TUBGCP3: variants seen among roughly 807,000 people sequenced by gnomAD.
TUBGCP3 encodes tubulin gamma complex component 3, also known as gamma-tubulin complex component 3.
A neutral mutation model predicts 123.1 loss-of-function variants in TUBGCP3; 50 were observed. The observed-to-expected ratio is 0.41, with a 90% CI of 0.32 to 0.51. The LOEUF (loss-of-function observed/expected upper bound fraction) is 0.51, where lower values mean the gene tolerates loss of function less well. Ranked by LOEUF, TUBGCP3 falls within the 20% of genes least tolerant of loss-of-function variation. The pLI, the probability that TUBGCP3 is intolerant of heterozygous loss-of-function variation, is 0.36. For synonymous variants in TUBGCP3, 405 were observed against 413.9 expected, an observed-to-expected ratio of 0.98 and a Z score of 0.26; for missense variants, 882 against 1,127.0, an observed-to-expected ratio of 0.78 and a Z score of 3.11.
At chr13:112,518,212 A>G (rs1480225304) in intron 16 of TUBGCP3, among the ~76,000 whole-genome samples, 2 of 152,192 alleles carry the variant, frequency 1.3e-5, no homozygotes, top group African/African-American at 4.8e-5. Context: ...CAATTATTGC[A>G]GCAGCGTGAT....
chr13:112,600,731 C>T, the TUBGCP3 span, among the ~76,000 whole-genome samples: 5 of 151,918 alleles, frequency 3.3e-5, no homozygotes, highest in Non-Finnish European at 7.4e-5. Flanking sequence ...CCTCTCTCTC[C>T]GGGTTGGCAA....
intron 20 of TUBGCP3, among the ~76,000 whole-genome samples, chr13:112,498,033 C>A (rs868490171): frequency 4.0e-5 from 6 of 151,382 alleles, no homozygotes; most frequent in Middle Eastern, 3.4e-3. Flanking sequence ...TATACATGTA[C>A]ACACACACAC....
chr13:112,556,045 TACTC>T lies in TUBGCP3; in HGVS notation c.721+3_721+6del. The stretch of plus-strand genomic sequence containing the variant: ...GAAAAGCTGTATTAACATAGATCCT[TACTC>T]ACCACCCGTATCCCCTTCTCTCCTG... On this transcript the variant is annotated splice_donor_5th_base_variant and intron_variant, in intron 6 of 21. Coordinates refer to ENST00000261965, the MANE Select transcript of TUBGCP3 (RefSeq NM_006322.6). 2.5e-6 allele frequency: 4 copies of T among 1,610,130 alleles called. No individual in the cohort carries two copies. The highest frequency in any genetic ancestry group is 1.3e-5 in the African/African-American group (1 of 74,974).
chr13:112,585,944 A>G (rs1426016790), intron 1 of TUBGCP3, among the ~76,000 whole-genome samples: 1 of 152,000 alleles, frequency 6.6e-6, no homozygotes, highest in Admixed American at 6.6e-5. Context: ...CAATGTAAAA[A>G]AAAAAAAGTT....
chr13:112,542,615 G>A (rs989751252), intron 11 of TUBGCP3, among the ~76,000 whole-genome samples: 3 of 152,032 alleles, frequency 2.0e-5, no homozygotes, highest in African/African-American at 7.3e-5. Flanking sequence ...TACCTCTATA[G>A]ATGGCATGTA....
intron 1 of TUBGCP3, among the ~76,000 whole-genome samples, chr13:112,587,572 G>A (rs998198719): frequency 1.3e-5 from 2 of 152,214 alleles, no homozygotes; most frequent in African/African-American, 4.8e-5. Flanking sequence ...CCTCACTGAC[G>A]GACCCGCGAG....
chr13:112,541,100 A>C (rs1253851280), intron 11 of TUBGCP3, among the ~76,000 whole-genome samples: 2 of 152,228 alleles, frequency 1.3e-5, no homozygotes, highest in Non-Finnish European at 2.9e-5. Flanking sequence ...TCGATTTATC[A>C]GTTTTTGCCC....
upstream of TUBGCP3, among the ~76,000 whole-genome samples, chr13:112,588,986 A>G (rs1374503341): frequency 2.0e-5 from 3 of 152,232 alleles, no homozygotes; most frequent in Non-Finnish European, 4.4e-5. Flanking sequence ...GTTCTGACTC[A>G]AAAACATGGA....
chr13:112,491,474 C>T (rs1278114), intron 20 of TUBGCP3, among the ~76,000 whole-genome samples: 73,920 of 152,090 alleles, frequency 0.49, 21,075 homozygotes, highest in South Asian at 0.67. Flanking sequence ...CTGCACCTCC[C>T]ATCACTCCAA....
intron 16 of TUBGCP3, among the ~76,000 whole-genome samples, chr13:112,517,405 T>G (rs1876228039): frequency 6.6e-6 from 1 of 152,236 alleles, no homozygotes; most frequent in African/African-American, 2.4e-5. Flanking sequence ...ACACTCTTAA[T>G]GAGATCTGTA....
chr13:112,529,993 T>C (rs1877448820), intron 11 of TUBGCP3, among the ~76,000 whole-genome samples: 1 of 152,204 alleles, frequency 6.6e-6, no homozygotes, highest in African/African-American at 2.4e-5. Context: ...AAACGGTATC[T>C]TCAGAAGAAA....
At chr13:112,554,594 C>G (rs1879870198) in intron 7 of TUBGCP3, among the ~76,000 whole-genome samples, 1 of 152,236 alleles carries the variant, frequency 6.6e-6, no homozygotes, top group Non-Finnish European at 1.5e-5. Context: ...CAAGGGACCT[C>G]TGTCCCCTGG....
chr13:112,550,816 C>T (rs941230544), intron 8 of TUBGCP3, among the ~76,000 whole-genome samples: 6 of 152,162 alleles, frequency 3.9e-5, no homozygotes, highest in African/African-American at 9.7e-5. Flanking sequence ...CTGAAATATG[C>T]GGCCAGGTGC....
At chr13:112,513,833 T>C (rs1341252891) in intron 17 of TUBGCP3, among the ~76,000 whole-genome samples, 1 of 152,200 alleles carries the variant, frequency 6.6e-6, no homozygotes, top group African/African-American at 2.4e-5. Flanking sequence ...TTTATGCTGT[T>C]TGTCACCTGC....
chr13:112,591,336 G>A (rs1350495177), upstream of TUBGCP3, among the ~76,000 whole-genome samples: 2 of 152,212 alleles, frequency 1.3e-5, no homozygotes, highest in African/African-American at 4.8e-5. Flanking sequence ...CATGTGAGGC[G>A]ATCAGCCTTC....
intron 21 of TUBGCP3, among the ~76,000 whole-genome samples, chr13:112,487,761 A>T (rs1879776617): frequency 6.6e-6 from 1 of 152,216 alleles, no homozygotes; most frequent in East Asian, 1.9e-4. Flanking sequence ...ATGCAAAAGT[A>T]GGCCAAGGTC....
intron 5 of TUBGCP3, among the ~76,000 whole-genome samples, chr13:112,557,631 T>C (rs1172566790): frequency 6.6e-6 from 1 of 152,274 alleles, no homozygotes; most frequent in Non-Finnish European, 1.5e-5. Flanking sequence ...TGGCGCCTGC[T>C]TGATTCTCAG....
At chr13:112,605,136 G>T in the TUBGCP3 span, 3 of 151,994 alleles carry the variant, frequency 2.0e-5, no homozygotes, top group African/African-American at 7.3e-5. Flanking sequence ...GTGAAACCCC[G>T]TTTCTACTAA....
At chr13:112,529,005 C>T (rs954060911) in intron 11 of TUBGCP3, among the ~76,000 whole-genome samples, 49 of 152,126 alleles carry the variant, frequency 3.2e-4, no homozygotes, top group African/African-American at 7.2e-5. Flanking sequence ...GAGCACACCA[C>T]CATGCCTGGC....
Sources: allele counts gnomAD v4.1 joint callset (sites outside exome capture counted in the v4.1 genomes callset), GRCh38; gene constraint gnomAD v4.1.1; transcripts MANE v1.5; gene names NCBI Gene and HGNC (gene_info 2026-07-23, HGNC 2026-07-21).